Variants in ZNF804A observed in about 807,000 individuals in gnomAD.
The protein encoded by ZNF804A is zinc finger protein 804A.
A neutral mutation model predicts 16.5 loss-of-function variants in ZNF804A; 2 were observed. The ratio of observed to expected loss-of-function variants is 0.12; its 90% CI spans 0.05 to 0.38. ZNF804A has a LOEUF of 0.38. Among genes scored for constraint, ZNF804A ranks in the 10% least tolerant of loss-of-function variants. The pLI, the probability that ZNF804A is intolerant of heterozygous loss-of-function variation, is 0.99. For missense variants in ZNF804A, 1,473 were observed against 1,390.7 expected, an observed-to-expected ratio of 1.06 and a Z score of -0.94; for synonymous variants, 534 against 489.6, an observed-to-expected ratio of 1.09 and a Z score of -1.20.
At chr2:184,823,171 T>C (rs1695108386) in intron 1 of ZNF804A, among the ~76,000 whole-genome samples, 1 of 152,074 alleles carries the variant, frequency 6.6e-6, no homozygotes, top group East Asian at 1.9e-4. Flanking sequence ...TTGAACACTC[T>C]GTCCTCTGGA....
intron 1 of ZNF804A, among the ~76,000 whole-genome samples, chr2:184,824,882 A>T (rs563607157): frequency 7.6e-4 from 116 of 152,186 alleles, no homozygotes; most frequent in Middle Eastern, 3.4e-3. Context: ...TCACAGCATA[A>T]CGACCAAGGT....
chr2:184,715,625 T>C (rs1484932134), intron 1 of ZNF804A, among the ~76,000 whole-genome samples: 2 of 152,052 alleles, frequency 1.3e-5, no homozygotes, highest in Non-Finnish European at 2.9e-5. Context: ...TATCTTGAAC[T>C]CCAGAGCTTA....
intron 1 of ZNF804A, among the ~76,000 whole-genome samples, chr2:184,827,443 T>A (rs1695183791): frequency 1.4e-5 from 2 of 146,692 alleles, no homozygotes; most frequent in South Asian, 4.2e-4. Context: ...AAACATAATA[T>A]ATAAATATAA....
chr2:184,763,472 C>T (rs910154153), intron 1 of ZNF804A, among the ~76,000 whole-genome samples: 12 of 151,860 alleles, frequency 7.9e-5, no homozygotes, highest in African/African-American at 2.9e-4. Flanking sequence ...ACTAAGACTT[C>T]CTGCCTTCAT....
chr2:184,920,528 T>G (rs1036755387), intron 2 of ZNF804A, among the ~76,000 whole-genome samples: 2 of 152,186 alleles, frequency 1.3e-5, no homozygotes, highest in South Asian at 4.1e-4. Context: ...GAGTCATGCC[T>G]TTATATAATT....
intron 2 of ZNF804A, among the ~76,000 whole-genome samples, chr2:184,933,246 A>C (rs576078374): frequency 6.6e-6 from 1 of 152,290 alleles, no homozygotes; most frequent in African/African-American, 2.4e-5. Context: ...GAAATACATA[A>C]GCAATAAGCA....
At position 184,697,867 on chromosome 2, in the gene ZNF804A, A is replaced by T. The variant is rs887399329; in HGVS notation, c.111+98797A>T. Among the ~76,000 whole-genome samples, 3 of 152,198 alleles carry T rather than the reference A, an allele frequency of 2.0e-5. No homozygotes were observed. In the South Asian group the frequency reaches 6.2e-4, roughly 32 times the overall value. ...TTTTAAACTATCCTCAGTGAAGCAC[A>T]AATGTTTCACTGGAGACATTGTTTC... On this transcript the variant is annotated intron_variant, in intron 1 of 3. Transcript: ENST00000302277.
chr2:184,817,285 C>T (rs1312147850), intron 1 of ZNF804A, among the ~76,000 whole-genome samples: 1 of 151,660 alleles, frequency 6.6e-6, no homozygotes, highest in African/African-American at 2.4e-5. Context: ...GGAGTGATCC[C>T]CCAGCAAACT....
chr2:184,673,312 G>C (rs1324895835), intron 1 of ZNF804A, among the ~76,000 whole-genome samples: 1 of 152,160 alleles, frequency 6.6e-6, no homozygotes, highest in African/African-American at 2.4e-5. Context: ...TTATCCTACA[G>C]CTGCCCCTTC....
chr2:184,630,839 CA>C lies in ZNF804A; in HGVS notation c.111+31770del, dbSNP rs372751619. 1.4e-3 allele frequency among the ~76,000 whole-genome samples: 215 copies of C among 151,464 alleles called. 4 individuals carry two copies. The East Asian group carries it at 0.022, about 15-fold the overall frequency. On this transcript the variant is annotated intron_variant, in intron 1 of 3. Coordinates refer to ENST00000302277, the MANE Select transcript of ZNF804A (RefSeq NM_194250.2). ...AGGCACTTGGAAATTCATTTTTAAACAGATATAAATAAAATCTGTCATTTTA... is the reference window on the plus strand; with the variant it reads ...AGGCACTTGGAAATTCATTTTTAAACGATATAAATAAAATCTGTCATTTTA...
chr2:184,888,209 ATTAT>A (rs1684926895), intron 2 of ZNF804A, among the ~76,000 whole-genome samples: 1 of 152,310 alleles, frequency 6.6e-6, no homozygotes, highest in East Asian at 1.9e-4. Context: ...CTTAAATATG[ATTAT>A]TTAATTATGA....
At chr2:184,636,814 A>C (rs1265574519) in intron 1 of ZNF804A, among the ~76,000 whole-genome samples, 1 of 152,086 alleles carries the variant, frequency 6.6e-6, no homozygotes, top group Non-Finnish European at 1.5e-5. Flanking sequence ...ATGTTCTAAG[A>C]ATTTGGATCA....
At chr2:184,792,522 T>C (rs780268597) in intron 1 of ZNF804A, among the ~76,000 whole-genome samples, 43 of 152,328 alleles carry the variant, frequency 2.8e-4, no homozygotes, top group Admixed American at 9.2e-4. Context: ...CATTTTTTCA[T>C]TGAGTTCTAA....
At chr2:184,801,716 A>T (rs530968712) in intron 1 of ZNF804A, among the ~76,000 whole-genome samples, 1 of 152,182 alleles carries the variant, frequency 6.6e-6, no homozygotes, top group South Asian at 2.1e-4. Context: ...CTTTGATTAC[A>T]TTAACAACGT....
intron 2 of ZNF804A, among the ~76,000 whole-genome samples, chr2:184,878,332 A>T (rs776815275): frequency 3.3e-5 from 5 of 152,052 alleles, no homozygotes; most frequent in Non-Finnish European, 5.9e-5. Context: ...AACTACCACA[A>T]AGCTCGGTTT....
intron 1 of ZNF804A, among the ~76,000 whole-genome samples, chr2:184,600,426 G>T: frequency 6.6e-6 from 1 of 152,242 alleles, no homozygotes; most frequent in East Asian, 1.9e-4. Flanking sequence ...TTGAACAAAA[G>T]AAAGTGAAAA....
Position 184,630,934 on chromosome 2 carries a change from G to A in ZNF804A, c.111+31864G>A, listed in dbSNP as rs191450690. On this transcript the variant is annotated intron_variant, in intron 1 of 3. Coordinates refer to ENST00000302277, the MANE Select transcript of ZNF804A (RefSeq NM_194250.2). Reference sequence around the variant, plus strand: ...AAACTTGAAAGAGAAGTATTTTATGGTATTCTTCAGAGATTGGATTTAATA... The same window carrying A: ...AAACTTGAAAGAGAAGTATTTTATGATATTCTTCAGAGATTGGATTTAATA... 5.3e-5 allele frequency among the ~76,000 whole-genome samples: 8 copies of A among 152,096 alleles called. No individual in the cohort carries two copies. In the South Asian group the frequency reaches 1.5e-3, roughly 28 times the overall value.
intron 2 of ZNF804A, among the ~76,000 whole-genome samples, chr2:184,924,972 T>C (rs186296093): frequency 6.6e-6 from 1 of 152,168 alleles, no homozygotes; most frequent in Non-Finnish European, 1.5e-5. Flanking sequence ...TGGTCTACTC[T>C]TGAGAATGAT....
intron 1 of ZNF804A, among the ~76,000 whole-genome samples, chr2:184,813,407 G>C (rs1179727207): frequency 6.6e-6 from 1 of 152,052 alleles, no homozygotes; most frequent in Non-Finnish European, 1.5e-5. Context: ...TAGGGTTTGA[G>C]CTGGATATTG....
Sources: allele counts gnomAD v4.1 joint callset (sites outside exome capture counted in the v4.1 genomes callset), GRCh38; gene constraint gnomAD v4.1.1; transcripts MANE v1.5; gene names NCBI Gene and HGNC (gene_info 2026-07-23, HGNC 2026-07-21).